The following GRIN2B variants were observed in gnomAD, a reference collection of about 807,000 sequenced individuals.
GRIN2B encodes the protein glutamate receptor ionotropic, NMDA 2B.
Under a neutral mutation model 114.5 loss-of-function variants are expected in GRIN2B, and 5 were observed. That is an observed-to-expected ratio of 0.04 (90% confidence interval 0.02 to 0.09). The LOEUF is 0.09. Ranked by LOEUF, GRIN2B falls within the 10% of genes least tolerant of loss-of-function variation. The probability of loss-of-function intolerance (pLI) is 1.00; values close to 1 mark genes in which losing one functional copy is unlikely to be tolerated. For missense variants in GRIN2B, 1,108 were observed against 1,943.5 expected, an observed-to-expected ratio of 0.57 and a Z score of 8.08; for synonymous variants, 787 against 745.1, an observed-to-expected ratio of 1.06 and a Z score of -0.92.
intron 2 of GRIN2B, among the ~76,000 whole-genome samples, chr12:13,927,224 G>C (rs896116968): frequency 6.6e-6 from 1 of 152,170 alleles, no homozygotes. Context: ...AGACATGCTA[G>C]AAGTTTAATT....
intron 3 of GRIN2B, among the ~76,000 whole-genome samples, chr12:13,836,686 G>A (rs905590399): frequency 6.6e-6 from 1 of 151,392 alleles, no homozygotes; most frequent in Non-Finnish European, 1.5e-5. Flanking sequence ...TAGTCCTTCT[G>A]GCCTGTTTGC....
chr12:13,769,606 G>C (rs1863868366), intron 3 of GRIN2B, among the ~76,000 whole-genome samples: 2 of 152,218 alleles, frequency 1.3e-5, no homozygotes, highest in African/African-American at 4.8e-5. Flanking sequence ...TGGCGATAAA[G>C]TCAAATCATG....
chr12:13,609,728 G>A (rs11055541), intron 9 of GRIN2B, among the ~76,000 whole-genome samples: 11,769 of 150,626 alleles, frequency 0.078, 638 homozygotes, highest in East Asian at 0.2. Flanking sequence ...AGCTGAGATC[G>A]CGCCACTGCA....
rs191484925 is a variant in GRIN2B, at chr12:13,688,098, C to A, written c.1011-12239G>T. ...TATAATGAAGGCCCAAGGTTGGGAG[C>A]ACTGGGAGTTGAATCCATCCACTTC... On this transcript the variant is annotated intron_variant, in intron 4 of 13. Transcript: ENST00000609686. Among the ~76,000 whole-genome samples, 9 of 152,236 alleles carry A rather than the reference C, an allele frequency of 5.9e-5. No homozygotes were observed. The East Asian group carries it at 9.7e-4, about 16-fold the overall frequency.
intron 2 of GRIN2B, among the ~76,000 whole-genome samples, chr12:13,969,914 G>A (rs1162976161): frequency 1.3e-5 from 2 of 152,200 alleles, no homozygotes; most frequent in African/African-American, 2.4e-5. Context: ...GTGCAGTGGT[G>A]CAATCTCAGC....
rs562178873 is a variant in GRIN2B, at chr12:13,745,082, A to G, written c.1010+8235T>C. On this transcript the variant is annotated intron_variant, in intron 4 of 13. Coordinates refer to ENST00000609686, the MANE Select transcript of GRIN2B (RefSeq NM_000834.5). ...AACGAAGAGAAAGACTCAAACCATTATCTATTTAAATTGTGCAAGATCTCA... is the reference window on the plus strand; with the variant it reads ...AACGAAGAGAAAGACTCAAACCATTGTCTATTTAAATTGTGCAAGATCTCA... Among the ~76,000 whole-genome samples, 4 of 152,244 alleles carry G rather than the reference A, an allele frequency of 2.6e-5. No individual in the cohort carries two copies. In the East Asian group the frequency reaches 7.7e-4, roughly 29 times the overall value.
chr12:13,698,065 T>C (rs1279871882), intron 4 of GRIN2B, among the ~76,000 whole-genome samples: 1 of 152,224 alleles, frequency 6.6e-6, no homozygotes, highest in Non-Finnish European at 1.5e-5. Flanking sequence ...ACAGCACTAT[T>C]TCTTCCAGCT....
intron 3 of GRIN2B, among the ~76,000 whole-genome samples, chr12:13,855,557 T>C (rs1427170631): frequency 6.6e-6 from 1 of 152,180 alleles, no homozygotes; most frequent in Non-Finnish European, 1.5e-5. Context: ...GGGAGATTCC[T>C]TCCTTGCCTC....
chr12:13,810,549 A>G (rs1392339460), intron 3 of GRIN2B, among the ~76,000 whole-genome samples: 7 of 152,086 alleles, frequency 4.6e-5, no homozygotes, highest in Non-Finnish European at 8.8e-5. Flanking sequence ...AAAGGGCTTT[A>G]TTATTTGTGA....
intron 3 of GRIN2B, among the ~76,000 whole-genome samples, chr12:13,821,735 A>G (rs998598180): frequency 9.9e-5 from 15 of 152,216 alleles, no homozygotes; most frequent in African/African-American, 3.6e-4. Flanking sequence ...TATGATTGAC[A>G]AAGATATGTC....
chr12:13,842,923 T>C (rs368921982), intron 3 of GRIN2B, among the ~76,000 whole-genome samples: 1,471 of 86,314 alleles, frequency 0.017, 22 homozygotes, highest in African/African-American at 0.055. Context: ...TTTTCTTTTT[T>C]TTTTTTTTTT....
Position 13,562,739 on chromosome 12 carries a change from A to AGCCTTACCCTCCCGTACCCACC in GRIN2B, c.*22_*43dup, listed in dbSNP as rs1565452350. ...GTGACATGCGCATCACGCGACCCAC[A>AGCCTTACCCTCCCGTACCCACC]GCCTTACCCTCCCGTACCCACCTTA... On this transcript the variant is annotated 3_prime_UTR_variant, in exon 14 of 14. Coordinates refer to ENST00000609686, the MANE Select transcript of GRIN2B (RefSeq NM_000834.5). The AGCCTTACCCTCCCGTACCCACC allele has an allele frequency of 2.6e-6, 4 of 1,517,934 alleles. No homozygotes were observed. In the Admixed American group the frequency reaches 5.0e-5, roughly 19 times the overall value. 94.0% of individuals were successfully genotyped at this position (1,517,934 alleles called of 1,614,324 possible).
At chr12:13,640,593 G>A (rs903207761) in intron 5 of GRIN2B, among the ~76,000 whole-genome samples, 2 of 152,160 alleles carry the variant, frequency 1.3e-5, no homozygotes, top group African/African-American at 4.8e-5. Flanking sequence ...CTGGCTTTAA[G>A]TAGAAATAAC....
Position 13,611,846 on chromosome 12 carries a change from T to G in GRIN2B, c.1659A>C (p.Pro553=). Residue 553 remains proline, a synonymous_variant, in exon 9 of 14, where the codon CCA becomes CCC. Transcript: ENST00000609686. ...GTVSPSAFLE[P]FSADVWVMMF... is the part of the protein sequence containing the mutation. ...TCATCACCCATACGTCAGCGCTGAATGGCTCTGAGGAAGGGAAAAAAGCAG... is the reference window on the plus strand; with the variant it reads ...TCATCACCCATACGTCAGCGCTGAAGGGCTCTGAGGAAGGGAAAAAAGCAG... The G allele has an allele frequency of 6.2e-7, 1 of 1,613,586 alleles. No homozygotes were observed.
chr12:13,945,877 A>T (rs1197052240), intron 2 of GRIN2B, among the ~76,000 whole-genome samples: 1 of 152,204 alleles, frequency 6.6e-6, no homozygotes, highest in Admixed American at 6.5e-5. Flanking sequence ...GAATGACTAC[A>T]GATGCCAAAC....
At chr12:13,803,678 G>T (rs886620689) in intron 3 of GRIN2B, among the ~76,000 whole-genome samples, 1 of 152,160 alleles carries the variant, frequency 6.6e-6, no homozygotes, top group African/African-American at 2.4e-5. Context: ...AATAGGCACA[G>T]AAATACTTTT....
At chr12:13,602,443 G>A (rs962243581) in intron 10 of GRIN2B, among the ~76,000 whole-genome samples, 11 of 152,170 alleles carry the variant, frequency 7.2e-5, no homozygotes, top group African/African-American at 2.7e-4. Context: ...GTGACAGATC[G>A]GGCTGGAGGT....
intron 4 of GRIN2B, among the ~76,000 whole-genome samples, chr12:13,735,676 T>C (rs1280883996): frequency 6.6e-6 from 1 of 152,208 alleles, no homozygotes; most frequent in African/African-American, 2.4e-5. Flanking sequence ...CTCAGGGGAC[T>C]AAGCACCTGG....
At chr12:13,685,579 G>T (rs558996812) in intron 4 of GRIN2B, among the ~76,000 whole-genome samples, 1 of 152,240 alleles carries the variant, frequency 6.6e-6, no homozygotes, top group South Asian at 2.1e-4. Flanking sequence ...CAAGATGCCT[G>T]GGTGAAGATT....
Sources: allele counts gnomAD v4.1 joint callset (sites outside exome capture counted in the v4.1 genomes callset), GRCh38; gene constraint gnomAD v4.1.1; transcripts MANE v1.5; gene names NCBI Gene and HGNC (gene_info 2026-07-23, HGNC 2026-07-21).